KIF26B: variants seen among roughly 807,000 people sequenced by gnomAD.
KIF26B encodes the protein kinesin-like protein KIF26B.
KIF26B carries 63 observed loss-of-function variants against 151.2 expected under a neutral mutation model. The ratio of observed to expected loss-of-function variants is 0.42; its 90% CI spans 0.34 to 0.51. The LOEUF (loss-of-function observed/expected upper bound fraction) is 0.51, where lower values mean the gene tolerates loss of function less well. Ranked by LOEUF, KIF26B falls within the 20% of genes least tolerant of loss-of-function variation. KIF26B has a pLI of 0.07. For missense variants in KIF26B, 2,813 were observed against 2,913.6 expected (o/e 0.97, Z 0.79); for synonymous variants, 1,357 against 1,262.1 (o/e 1.08, Z -1.59).
chr1:245,540,676 G>C lies in KIF26B; in HGVS notation c.1167-91G>C. ...AGAAGGAATGATTAGGCCTCAGAAAGAACGAGGGGTTGTTTAAGAGAAAAC... is the reference window on the plus strand; with the variant it reads ...AGAAGGAATGATTAGGCCTCAGAAACAACGAGGGGTTGTTTAAGAGAAAAC... On this transcript the variant is annotated intron_variant, in intron 4 of 14. Coordinates refer to ENST00000407071, the MANE Select transcript of KIF26B (RefSeq NM_018012.4). The surrounding 1 kb of genome is among the most constrained non-coding windows in gnomAD (Gnocchi z 4.6). 8.7e-7 allele frequency: 1 copy of C among 1,143,902 alleles called. No homozygotes were observed. Among genetic ancestry groups the C allele is most frequent in the East Asian group, 2.3e-5 (1 of 42,696 alleles). The allele number at this position is 1,143,902 out of a possible 1,614,324, so 70.9% of individuals were successfully genotyped here.
intron 2 of KIF26B, among the ~76,000 whole-genome samples, chr1:245,344,803 T>TA (rs1672413229): frequency 1.3e-5 from 2 of 152,094 alleles, no homozygotes; most frequent in South Asian, 4.1e-4. Context: ...GTGTGAGTGG[T>TA]ATCAGGCTGG....
intron 2 of KIF26B, among the ~76,000 whole-genome samples, chr1:245,245,589 A>C (rs1670312226): frequency 6.6e-6 from 1 of 152,092 alleles, no homozygotes; most frequent in African/African-American, 2.4e-5. Flanking sequence ...TCAGCAGTTC[A>C]AGACCAGCCT....
chr1:245,386,552 A>G (rs1395623057), intron 3 of KIF26B, among the ~76,000 whole-genome samples: 1 of 150,952 alleles, frequency 6.6e-6, no homozygotes, highest in African/African-American at 2.5e-5. Flanking sequence ...CACCCACCAT[A>G]CAGGATGTGT....
intron 8 of KIF26B, among the ~76,000 whole-genome samples, chr1:245,610,436 T>C (rs1032994242): frequency 8.5e-5 from 13 of 152,172 alleles, no homozygotes; most frequent in African/African-American, 2.9e-4. Context: ...TCAGTAGGTC[T>C]AGAGTAGAGC....
intron 4 of KIF26B, among the ~76,000 whole-genome samples, chr1:245,468,586 A>T (rs1659843559): frequency 6.6e-6 from 1 of 152,224 alleles, no homozygotes; most frequent in Non-Finnish European, 1.5e-5. Flanking sequence ...AGAACAGAAA[A>T]ATAAGAAAGC....
intron 4 of KIF26B, among the ~76,000 whole-genome samples, chr1:245,438,624 C>T (rs1423868837): frequency 6.6e-6 from 1 of 152,006 alleles, no homozygotes; most frequent in Non-Finnish European, 1.5e-5. Flanking sequence ...TCATCAAAGC[C>T]CCCAAAATGT....
At chr1:245,446,746 C>T (rs991790370) in intron 4 of KIF26B, among the ~76,000 whole-genome samples, 1 of 152,084 alleles carries the variant, frequency 6.6e-6, no homozygotes, top group Admixed American at 6.6e-5. Flanking sequence ...GAAAAGGGTC[C>T]CTGGTGGAGG....
intron 3 of KIF26B, among the ~76,000 whole-genome samples, chr1:245,403,522 T>G (rs1490895777): frequency 1.3e-5 from 2 of 152,176 alleles, no homozygotes; most frequent in African/African-American, 4.8e-5. Flanking sequence ...TCGTCCCTTT[T>G]GGAAGAGCAG....
chr1:245,501,185 C>G (rs1390708035), intron 4 of KIF26B, among the ~76,000 whole-genome samples: 1 of 152,220 alleles, frequency 6.6e-6, no homozygotes, highest in Non-Finnish European at 1.5e-5. Flanking sequence ...AGAGAGGACA[C>G]TGCAACCAGG....
At chr1:245,442,824 ATCTCCCTCACTGTTCACCTACAG>A in intron 4 of KIF26B, among the ~76,000 whole-genome samples, 3 of 96,022 alleles carry the variant, frequency 3.1e-5, no homozygotes, top group Non-Finnish European at 6.4e-5. Context: ...TACAGCGGTC[ATCTCCCTCACTGTTCACCTACAG>A]CGGTCATCTC....
intron 10 of KIF26B, among the ~76,000 whole-genome samples, chr1:245,677,713 G>A (rs1219117336): frequency 6.6e-6 from 1 of 152,254 alleles, no homozygotes; most frequent in African/African-American, 2.4e-5. Flanking sequence ...TCAAACGTAG[G>A]AATGTTCAGG....
intron 2 of KIF26B, among the ~76,000 whole-genome samples, chr1:245,315,720 AAAAAAAG>A (rs1231016808): frequency 3.3e-5 from 5 of 151,670 alleles, no homozygotes; most frequent in Non-Finnish European, 5.9e-5. Flanking sequence ...CAAAAAAAAA[AAAAAAAG>A]AAAAAGAAAA....
Position 245,609,385 on chromosome 1 carries a change from T to G in KIF26B, c.1771T>G (p.Phe591Val). 6.2e-7 allele frequency: 1 copy of G among 1,609,990 alleles called. No individual in the cohort carries two copies. The highest frequency in any genetic ancestry group is 8.5e-7 in the Non-Finnish European group (1 of 1,178,262). The change falls in exon 8 of 15, where the codon TTC becomes GTC. Residue 591 changes from phenylalanine to valine, a missense_variant. Physicochemically the swap from Phe to Val is conservative, Grantham distance 50. Transcript: ENST00000407071. Reference protein sequence around the residue: ...NERKEKTGARFSVRVSAVEVW... With the variant: ...NERKEKTGARVSVRVSAVEVW... ...ACGCAAGGAAAAGACCGGCGCCCGT[T>G]TCTCAGTCCGGGTTTCCGCCGTGGA...
At chr1:245,257,582 C>A (rs375278733) in intron 2 of KIF26B, among the ~76,000 whole-genome samples, 2 of 152,270 alleles carry the variant, frequency 1.3e-5, no homozygotes, top group African/African-American at 4.8e-5. Context: ...CTTCAGGGCC[C>A]GTCGTGTGAA....
intron 5 of KIF26B, among the ~76,000 whole-genome samples, chr1:245,554,672 C>T (rs1347125444): frequency 6.6e-6 from 1 of 152,024 alleles, no homozygotes; most frequent in Admixed American, 6.6e-5. Flanking sequence ...GAGCTTTCTC[C>T]CTCCTTCTTT....
chr1:245,285,501 T>C (rs975053295), intron 2 of KIF26B, among the ~76,000 whole-genome samples: 1 of 152,178 alleles, frequency 6.6e-6, no homozygotes, highest in African/African-American at 2.4e-5. Flanking sequence ...TGCTTGCTAG[T>C]GCTGTGGATC....
intron 2 of KIF26B, among the ~76,000 whole-genome samples, chr1:245,305,754 TG>T (rs1483731380): frequency 6.6e-6 from 1 of 151,778 alleles, no homozygotes; most frequent in Non-Finnish European, 1.5e-5. Flanking sequence ...CTGGCTAACA[TG>T]GTGAAACCCC....
At chr1:245,446,262 A>G (rs959720082) in intron 4 of KIF26B, among the ~76,000 whole-genome samples, 3 of 152,238 alleles carry the variant, frequency 2.0e-5, no homozygotes, top group African/African-American at 4.8e-5. Flanking sequence ...TATAGCAAAG[A>G]TACAGTGTTA....
intron 4 of KIF26B, among the ~76,000 whole-genome samples, chr1:245,462,504 T>G (rs989721311): frequency 6.6e-6 from 1 of 152,154 alleles, no homozygotes; most frequent in African/African-American, 2.4e-5. Flanking sequence ...AATAGGTTAC[T>G]CCTTTGTGGA....
Sources: gnomAD v4.1 joint callset for allele counts (sites outside exome capture counted in the v4.1 genomes callset) on GRCh38, gnomAD v4.1.1 for gene constraint, Gnocchi (gnomAD v3.1) non-coding constraint, MANE v1.5 for transcripts, NCBI Gene and HGNC (gene_info 2026-07-23, HGNC 2026-07-21) for gene names.